QKI: variants seen among roughly 807,000 people sequenced by gnomAD.
QKI encodes QKI, KH domain containing RNA binding.
In QKI, 10 loss-of-function variants were observed where a neutral mutation model predicts 39.0. The ratio of observed to expected loss-of-function variants is 0.26; its 90% CI spans 0.16 to 0.43. QKI has a LOEUF of 0.43. Among genes scored for constraint, QKI ranks in the 20% least tolerant of loss-of-function variants. The pLI is 1.00. For missense variants in QKI, 218 were observed against 428.0 expected (o/e 0.51, Z 4.33); for synonymous variants, 204 against 155.4 (o/e 1.31, Z -2.33).
chr6:163,540,222 C>G (rs575538657), intron 4 of QKI, among the ~76,000 whole-genome samples: 115 of 151,872 alleles, frequency 7.6e-4, no homozygotes, highest in South Asian at 1.7e-3. Context: ...ACATCTAGTC[C>G]AGGCTTGAGG....
At chr6:163,436,319 G>T (rs1253361678) in intron 1 of QKI, among the ~76,000 whole-genome samples, 1 of 152,184 alleles carries the variant, frequency 6.6e-6, no homozygotes, top group Non-Finnish European at 1.5e-5. Context: ...TTTGACTGTA[G>T]TTTTGGGCAG....
At chr6:163,437,685 T>TTTTTTG (rs1055232713) in intron 1 of QKI, among the ~76,000 whole-genome samples, 2 of 152,162 alleles carry the variant, frequency 1.3e-5, no homozygotes, top group African/African-American at 4.8e-5. Flanking sequence ...TGCTTTTCAG[T>TTTTTTG]TTTTTGTTTT....
chr6:163,482,370 G>T (rs748241079), intron 3 of QKI, among the ~76,000 whole-genome samples: 1 of 152,008 alleles, frequency 6.6e-6, no homozygotes, highest in African/African-American at 2.4e-5. Context: ...ATGTTGTAAG[G>T]GTTTCTCCCC....
At chr6:163,533,590 C>CT (rs1781007097) in intron 3 of QKI, among the ~76,000 whole-genome samples, 2 of 152,130 alleles carry the variant, frequency 1.3e-5, no homozygotes, top group Admixed American at 6.5e-5. Context: ...ACAGCAACCG[C>CT]TAACAACCTA....
Position 163,568,998 on chromosome 6 carries a change from T to A in QKI, c.1010-1696T>A, listed in dbSNP as rs142875923. 1.2e-5 allele frequency: 12 copies of A among 985,056 alleles called. No homozygotes were observed. The African/African-American group carries it at 1.4e-4, about 11-fold the overall frequency. 61.0% of individuals were successfully genotyped at this position (985,056 alleles called of 1,614,324 possible). ...CACACTCAGAAAAGAAGTCAGAGTT[T>A]TTTCTGAGTAATACAAAAACCATCA... On this transcript the variant is annotated intron_variant, in intron 7 of 7. Transcript: ENST00000361752.
intron 2 of QKI, among the ~76,000 whole-genome samples, chr6:163,471,863 TTAAAA>T (rs1384689941): frequency 1.3e-5 from 2 of 152,094 alleles, no homozygotes; most frequent in Non-Finnish European, 2.9e-5. Context: ...GGAGTCCTGT[TTAAAA>T]TAAGGATAAC....
chr6:163,508,394 G>GA (rs144087351), intron 3 of QKI, among the ~76,000 whole-genome samples: 6,000 of 152,144 alleles, frequency 0.039, 136 homozygotes, highest in Middle Eastern at 0.082. Flanking sequence ...AAAGCAGCAA[G>GA]AAAAAATTAC....
chr6:163,517,035 G>GACACAC (rs111701494), intron 3 of QKI, among the ~76,000 whole-genome samples: 4 of 145,626 alleles, frequency 2.7e-5, no homozygotes, highest in Non-Finnish European at 6.0e-5. Context: ...AGCAGTAGGG[G>GACACAC]ACACACACAC....
intron 7 of QKI, 194 bp from the exon 8 acceptor site, chr6:163,570,500 C>T (rs1234330822): frequency 5.6e-5 from 55 of 973,806 alleles, no homozygotes; most frequent in Non-Finnish European, 6.7e-5. Flanking sequence ...AATCATGATA[C>T]GAAATTGTCA....
intron 3 of QKI, among the ~76,000 whole-genome samples, chr6:163,482,853 T>C (rs924781661): frequency 1.3e-5 from 2 of 152,192 alleles, no homozygotes; most frequent in African/African-American, 2.4e-5. Context: ...ATGTTCATCA[T>C]TGGCCATTGG....
chr6:163,447,313 G>C (rs1199194502), intron 1 of QKI, among the ~76,000 whole-genome samples: 2 of 145,440 alleles, frequency 1.4e-5, no homozygotes, highest in Non-Finnish European at 3.0e-5. Flanking sequence ...GAGTATTTGA[G>C]GTCTCCATCA....
chr6:163,521,015 G>A (rs554663339), intron 3 of QKI, among the ~76,000 whole-genome samples: 18 of 152,202 alleles, frequency 1.2e-4, no homozygotes, highest in Admixed American at 4.6e-4. Flanking sequence ...TTCTAATGAC[G>A]TAAAATTACC....
chr6:163,415,206 A>G lies in QKI; in HGVS notation c.13A>G (p.Met5Val). Reference sequence around the variant, plus strand: ...CGGAGCCTGGAATATGGTCGGGGAAATGGAAACGAAGGAGAAGCCGAAGCC... The same window carrying G: ...CGGAGCCTGGAATATGGTCGGGGAAGTGGAAACGAAGGAGAAGCCGAAGCC... The part of the protein sequence containing the change: MVGE[M>V]ETKEKPKPTP... Residue 5 changes from methionine to valine, a missense_variant, in exon 1 of 8, where the codon ATG (methionine) becomes GTG (valine). Physicochemically the swap from Met to Val is conservative, Grantham distance 21. This residue lies in a region of QKI where 40 missense variants were observed against 48.7 expected (regional missense o/e 0.82). Coordinates refer to ENST00000361752, the MANE Select transcript of QKI (RefSeq NM_006775.3). 3.2e-6 allele frequency: 5 copies of G among 1,576,662 alleles called. No homozygotes were observed. The highest frequency in any genetic ancestry group is 4.3e-6 in the Non-Finnish European group (5 of 1,157,474).
intron 2 of QKI, among the ~76,000 whole-genome samples, chr6:163,459,169 AG>A (rs1791157879): frequency 1.3e-5 from 2 of 152,336 alleles, no homozygotes; most frequent in East Asian, 3.9e-4. Context: ...TAAAGCGGGC[AG>A]TGGCTGCTTA....
chr6:163,496,437 G>A (rs1185723126), intron 3 of QKI, among the ~76,000 whole-genome samples: 6 of 152,076 alleles, frequency 3.9e-5, no homozygotes, highest in Non-Finnish European at 8.8e-5. Context: ...GAGTTGCTTG[G>A]CCCCAAGATA....
At chr6:163,570,102 T>C (rs1783614193) in intron 7 of QKI, 11 of 986,126 alleles carry the variant, frequency 1.1e-5, no homozygotes, top group South Asian at 4.7e-5. Context: ...TGTTTGTAAA[T>C]AGAATAATTG....
Position 163,569,968 on chromosome 6 carries a change from T to C in QKI, c.1010-726T>C, listed in dbSNP as rs1414896749. On this transcript the variant is annotated intron_variant, in intron 7 of 7. Coordinates refer to ENST00000361752, the MANE Select transcript of QKI (RefSeq NM_006775.3). ...GTGTTCTATATGTGTAAAATAGTAT[T>C]TTCAACTGGAAAGTGTTGGCTAGTG... The C allele has an allele frequency of 4.1e-6, 4 of 986,278 alleles. No individual in the cohort carries two copies. The African/African-American group carries it at 7.0e-5, about 17-fold the overall frequency. The allele number at this position is 986,278 out of a possible 1,614,324, so 61.1% of individuals were successfully genotyped here.
At position 163,445,571 on chromosome 6, in the gene QKI, C is replaced by T. The variant is rs751492999; in HGVS notation, c.143-9708C>T. 4.0e-4 allele frequency among the ~76,000 whole-genome samples: 60 copies of T among 151,048 alleles called. 1 individual carries two copies. The highest frequency in any genetic ancestry group is 3.5e-3 in the Admixed American group (53 of 15,166). ...TTTTGGCAAAACAATCACACACAAG[C>T]GCTGTTGTGCCCATCTCAGTGGATC... On this transcript the variant is annotated intron_variant, in intron 1 of 7. Transcript: ENST00000361752.
intron 3 of QKI, among the ~76,000 whole-genome samples, chr6:163,498,485 T>C (rs11966885): frequency 0.028 from 4,240 of 152,218 alleles, 194 homozygotes; most frequent in African/African-American, 0.096. Context: ...CACTTAGCCA[T>C]GTGTAGCATG....
Sources: allele counts gnomAD v4.1 joint callset (sites outside exome capture counted in the v4.1 genomes callset), GRCh38; gene constraint gnomAD v4.1.1; regional missense constraint gnomAD v4.1.1; transcripts MANE v1.5; gene names NCBI Gene and HGNC (gene_info 2026-07-23, HGNC 2026-07-21).